Variants in TRNP1 observed in about 807,000 individuals in gnomAD.
The protein encoded by TRNP1 is TMF-regulated nuclear protein 1.
Under a neutral mutation model 12.2 loss-of-function variants are expected in TRNP1, and 16 were observed. The ratio of observed to expected loss-of-function variants is 1.31; its 90% CI spans 0.89 to 1.99. TRNP1 has a LOEUF of 1.99. Among genes scored for constraint, TRNP1 ranks in the 30% most tolerant of loss-of-function variants. The probability of loss-of-function intolerance (pLI) is 0.00; values close to 1 mark genes in which losing one functional copy is unlikely to be tolerated. For synonymous variants in TRNP1, 139 were observed against 166.2 expected (o/e 0.84, Z 1.26); for missense variants, 338 against 330.4 (o/e 1.02, Z -0.18).
chr1:26,998,842 C>T (rs1057122596), intron 1 of TRNP1, among the ~76,000 whole-genome samples: 2 of 152,136 alleles, frequency 1.3e-5, no homozygotes, highest in African/African-American at 4.8e-5. Flanking sequence ...GTGACTTGCC[C>T]AAAGACATAG....
intron 1 of TRNP1, among the ~76,000 whole-genome samples, chr1:26,998,829 C>T (rs1157487718): frequency 2.6e-5 from 4 of 152,144 alleles, no homozygotes; most frequent in Non-Finnish European, 4.4e-5. Context: ...AGAGGGAGGG[C>T]GGGTGACTTG....
chr1:26,999,281 G>A (rs930101644), intron 1 of TRNP1, among the ~76,000 whole-genome samples: 1 of 152,220 alleles, frequency 6.6e-6, no homozygotes, highest in Non-Finnish European at 1.5e-5. Flanking sequence ...CTACTCCGAA[G>A]GCTGAGACAG....
Position 26,993,872 on chromosome 1 carries a change from C to G in TRNP1, c.86C>G (p.Pro29Arg). 3 of 1,373,218 alleles carry G rather than the reference C, an allele frequency of 2.2e-6. No homozygotes were observed. The highest frequency in any genetic ancestry group is 2.8e-6 in the Non-Finnish European group (3 of 1,070,842). 85.1% of individuals were successfully genotyped at this position (1,373,218 alleles called of 1,614,324 possible). Reference protein sequence around the residue: ...EQRSPPPPWDPMPSSQPPPPT... With the variant: ...EQRSPPPPWDRMPSSQPPPPT... ...AGGTCGCCGCCGCCGCCCTGGGATC[C>G]CATGCCGTCCTCTCAGCCCCCGCCC... Residue 29 changes from proline to arginine, a missense_variant, in exon 1 of 2, where the codon CCC becomes CGC. Coordinates refer to ENST00000522111, the MANE Select transcript of TRNP1 (RefSeq NM_001013642.3).
At position 26,994,668 on chromosome 1, in the gene TRNP1, G is replaced by C; in HGVS notation, c.*142+56G>C. 1 of 260,836 alleles carries C rather than the reference G, an allele frequency of 3.8e-6. No homozygotes were observed. The highest frequency in any genetic ancestry group is 6.6e-6 in the Non-Finnish European group (1 of 151,158). The allele number at this position is 260,836 out of a possible 1,614,324, so 16.2% of individuals were successfully genotyped here. A position where few individuals can be genotyped will look rare whatever the true frequency, so the allele number is the denominator to read the frequency against. ...GTCGGTCATGGCGTGTGGGGGGCTG[G>C]TCCAGGGCCCGGGAACTCCCTTCCC... On this transcript the variant is annotated intron_variant, in intron 1 of 1. Coordinates refer to ENST00000522111, the MANE Select transcript of TRNP1 (RefSeq NM_001013642.3). This position sits in a 1 kb window ranked among gnomAD's most constrained non-coding sequence, Gnocchi z 6.9.
At chr1:26,995,362 C>A (rs768691073) in intron 1 of TRNP1, among the ~76,000 whole-genome samples, 4 of 152,188 alleles carry the variant, frequency 2.6e-5, no homozygotes, top group African/African-American at 4.8e-5. Context: ...GGTGTGGTAT[C>A]AGCTTCCAGA....
Position 26,994,302 on chromosome 1 carries a change from C to G in TRNP1, c.516C>G (p.Gly172=). Reference sequence around the variant, plus strand: ...CTCACGGGTCGCGCCTCAAGAAGGGCCCGCGCCGCGGCCGCCGCGGCCGAC... The same window carrying G: ...CTCACGGGTCGCGCCTCAAGAAGGGGCCGCGCCGCGGCCGCCGCGGCCGAC... ...LAAHGSRLKK[G]PRRGRRGRPP... The change falls in exon 1 of 2, where the codon GGC becomes GGG. Residue 172 remains glycine (G), a synonymous_variant. Transcript: ENST00000522111. This position sits in a 1 kb window ranked among gnomAD's most constrained non-coding sequence, Gnocchi z 6.9. 8.7e-7 allele frequency: 1 copy of G among 1,148,614 alleles called. No individual in the cohort carries two copies. The highest frequency in any genetic ancestry group is 1.1e-6 in the Non-Finnish European group (1 of 935,184). 71.2% of individuals were successfully genotyped at this position (1,148,614 alleles called of 1,614,324 possible). A position where few individuals can be genotyped will look rare whatever the true frequency, so the allele number is the denominator to read the frequency against.
intron 1 of TRNP1, among the ~76,000 whole-genome samples, chr1:26,996,567 T>A (rs1425599798): frequency 6.6e-6 from 1 of 152,116 alleles, no homozygotes; most frequent in Non-Finnish European, 1.5e-5. Context: ...GGACAGGACA[T>A]CTTGGAAAGA....
At position 26,994,718 on chromosome 1, in the gene TRNP1, C is replaced by T. The variant is rs901646880; in HGVS notation, c.*142+106C>T. 8.9e-5 allele frequency: 17 copies of T among 190,862 alleles called. No homozygotes were observed. The highest frequency in any genetic ancestry group is 6.4e-5 in the Non-Finnish European group (6 of 94,068). 11.8% of individuals were successfully genotyped at this position (190,862 alleles called of 1,614,324 possible). On this transcript the variant is annotated intron_variant, in intron 1 of 1. Transcript: ENST00000522111. The surrounding 1 kb of genome is among the most constrained non-coding windows in gnomAD (Gnocchi z 6.9). Reference sequence around the variant, plus strand: ...CTGGAGCTTCTGGCGTCTGCTGGGTCCCTAGTAAAGCTGCCACTTTCTGTT... The same window carrying T: ...CTGGAGCTTCTGGCGTCTGCTGGGTTCCTAGTAAAGCTGCCACTTTCTGTT...
At chr1:26,998,254 G>A (rs2082555389) in intron 1 of TRNP1, among the ~76,000 whole-genome samples, 1 of 152,154 alleles carries the variant, frequency 6.6e-6, no homozygotes, top group South Asian at 2.1e-4. Context: ...AAGCTCCTTT[G>A]GTTGGGCTGA....
intron 1 of TRNP1, among the ~76,000 whole-genome samples, chr1:26,997,746 G>T (rs1443479486): frequency 3.3e-5 from 5 of 152,206 alleles, no homozygotes; most frequent in Non-Finnish European, 7.3e-5. Context: ...TTGGGGCTGG[G>T]AGACCAGTTC....
At position 26,993,696 on chromosome 1, in the gene TRNP1, T is replaced by C; in HGVS notation, c.-91T>C. 1 of 1,080,040 alleles carries C rather than the reference T, an allele frequency of 9.3e-7. No individual in the cohort carries two copies. Among genetic ancestry groups the C allele is most frequent in the South Asian group, 4.0e-5 (1 of 25,270 alleles). 66.9% of individuals were successfully genotyped at this position (1,080,040 alleles called of 1,614,324 possible). On this transcript the variant is annotated 5_prime_UTR_variant, in exon 1 of 2. Coordinates refer to ENST00000522111, the MANE Select transcript of TRNP1 (RefSeq NM_001013642.3). Reference sequence around the variant, plus strand: ...GCGGACGGCGGGCGCGCCTCTGGGGTGGGGGCTGTGGCCGTGTCTAGCTGT... The same window carrying C: ...GCGGACGGCGGGCGCGCCTCTGGGGCGGGGGCTGTGGCCGTGTCTAGCTGT...
Position 26,994,144 on chromosome 1 carries a change from G to A in TRNP1, c.358G>A (p.Val120Met). 1.6e-6 allele frequency: 2 copies of A among 1,257,784 alleles called. No homozygotes were observed. Among genetic ancestry groups the A allele is most frequent in the Non-Finnish European group, 2.0e-6 (2 of 998,424 alleles). The allele number at this position is 1,257,784 out of a possible 1,614,324, so 77.9% of individuals were successfully genotyped here. Residue 120 changes from valine (V) to methionine (M), a missense_variant, in exon 1 of 2, where the codon GTG (valine) becomes ATG (methionine). By Grantham distance (21) the Val-to-Met change is conservative. Transcript: ENST00000522111. The surrounding 1 kb of genome is among the most constrained non-coding windows in gnomAD (Gnocchi z 6.9). ...GGAGGTGGAGGGCCGCCGGCGCCTGGTGTCGGAGCTGGAGAGCCGCGTGCT... is the reference window on the plus strand; with the variant it reads ...GGAGGTGGAGGGCCGCCGGCGCCTGATGTCGGAGCTGGAGAGCCGCGTGCT... The part of the protein sequence containing the change: ...LLEVEGRRRL[V>M]SELESRVLQL...
chr1:26,995,368 C>G lies in TRNP1; in HGVS notation c.*142+756C>G, dbSNP rs112605236. ...AAGGGGGCAGGTGTGGTATCAGCTT[C>G]CAGAAAGGGGGGCCTTAAAGAGCCA... On this transcript the variant is annotated intron_variant, in intron 1 of 1. Transcript: ENST00000522111. Among the ~76,000 whole-genome samples the G allele has an allele frequency of 9.8e-5, 15 of 152,312 alleles. 1 individual carries two copies. The highest frequency in any genetic ancestry group is 3.6e-4 in the African/African-American group (15 of 41,562).
At position 27,000,728 on chromosome 1, in the gene TRNP1, AG is replaced by A. The variant is rs979300913; in HGVS notation, c.*1025del. On this transcript the variant is annotated 3_prime_UTR_variant, in exon 2 of 2. Transcript: ENST00000522111. ...CCTCTGTGTCTATTATGGCTCTTTA[AG>A]TTGACGGTTCCTGGAGCAGCTTGTA... 6.6e-6 allele frequency: 1 copy of A among 152,182 alleles called. No individual in the cohort carries two copies. Among genetic ancestry groups the A allele is most frequent in the Non-Finnish European group, 1.5e-5 (1 of 68,022 alleles). 9.4% of individuals were successfully genotyped at this position (152,182 alleles called of 1,614,324 possible). A position where few individuals can be genotyped will look rare whatever the true frequency, so the allele number is the denominator to read the frequency against.
At position 26,994,676 on chromosome 1, in the gene TRNP1, C is replaced by T. The variant is rs2082536568; in HGVS notation, c.*142+64C>T. 1 of 232,954 alleles carries T rather than the reference C, an allele frequency of 4.3e-6. No individual in the cohort carries two copies. The highest frequency in any genetic ancestry group is 7.9e-6 in the Non-Finnish European group (1 of 126,708). 14.4% of individuals were successfully genotyped at this position (232,954 alleles called of 1,614,324 possible). A position where few individuals can be genotyped will look rare whatever the true frequency, so the allele number is the denominator to read the frequency against. On this transcript the variant is annotated intron_variant, in intron 1 of 1. Transcript: ENST00000522111. This position sits in a 1 kb window ranked among gnomAD's most constrained non-coding sequence, Gnocchi z 6.9. ...TGGCGTGTGGGGGGCTGGTCCAGGG[C>T]CCGGGAACTCCCTTCCCTGGAGCTT...
chr1:26,993,753 C>T lies in TRNP1; in HGVS notation c.-34C>T. 7.8e-7 allele frequency: 1 copy of T among 1,287,598 alleles called. No homozygotes were observed. Among genetic ancestry groups the T allele is most frequent in the South Asian group, 2.4e-5 (1 of 41,598 alleles). The allele number at this position is 1,287,598 out of a possible 1,614,324, so 79.8% of individuals were successfully genotyped here. A position where few individuals can be genotyped will look rare whatever the true frequency, so the allele number is the denominator to read the frequency against. On this transcript the variant is annotated 5_prime_UTR_variant, in exon 1 of 2. Coordinates refer to ENST00000522111, the MANE Select transcript of TRNP1 (RefSeq NM_001013642.3). ...GTGCTGTGGTCATCCTCCCTGCGCA[C>T]CTACAGCCGCAGACCGCCGGTGGGG...
At chr1:26,999,325 G>A (rs907864948) in intron 1 of TRNP1, among the ~76,000 whole-genome samples, 2 of 152,172 alleles carry the variant, frequency 1.3e-5, no homozygotes, top group African/African-American at 4.8e-5. Context: ...CGGAGGTTGC[G>A]GTGAGCCGAA....
At chr1:26,998,351 A>C (rs943806691) in intron 1 of TRNP1, among the ~76,000 whole-genome samples, 3 of 152,206 alleles carry the variant, frequency 2.0e-5, no homozygotes, top group Non-Finnish European at 2.9e-5. Flanking sequence ...AGGATAAAAG[A>C]CCAGAGTTAT....
In TRNP1 at chr1:27,000,288, C is replaced by G. The variant is rs1396282722; in HGVS notation, c.*584C>G. Reference sequence around the variant, plus strand: ...TTTAATAGATGTCATTGCTTCAAGTCTAACGGCGCCGGGAGGCCTGTTTGA... The same window carrying G: ...TTTAATAGATGTCATTGCTTCAAGTGTAACGGCGCCGGGAGGCCTGTTTGA... On this transcript the variant is annotated 3_prime_UTR_variant, in exon 2 of 2. Coordinates refer to ENST00000522111, the MANE Select transcript of TRNP1 (RefSeq NM_001013642.3). 6.6e-6 allele frequency: 1 copy of G among 152,212 alleles called. No individual in the cohort carries two copies. The highest frequency in any genetic ancestry group is 1.9e-4 in the East Asian group (1 of 5,196). 9.4% of individuals were successfully genotyped at this position (152,212 alleles called of 1,614,324 possible). A position where few individuals can be genotyped will look rare whatever the true frequency, so the allele number is the denominator to read the frequency against.
Sources: allele counts gnomAD v4.1 joint callset (sites outside exome capture counted in the v4.1 genomes callset), GRCh38; gene constraint gnomAD v4.1.1; non-coding constraint Gnocchi (gnomAD v3.1); transcripts MANE v1.5; gene names NCBI Gene and HGNC (gene_info 2026-07-23, HGNC 2026-07-21).